ACOXL: variants seen among roughly 807,000 people sequenced by gnomAD.
ACOXL encodes the protein acyl-coenzyme A oxidase-like protein.
A neutral mutation model predicts 71.9 loss-of-function variants in ACOXL; 70 were observed. The observed-to-expected ratio is 0.97, with a 90% confidence interval of 0.80 to 1.19. The LOEUF is 1.19. Ranked by LOEUF, ACOXL falls within the 50% of genes most tolerant of loss-of-function variation. The probability of loss-of-function intolerance (pLI) is 0.00; values close to 1 mark genes in which losing one functional copy is unlikely to be tolerated. For synonymous variants in ACOXL, 253 were observed against 281.6 expected (o/e 0.90, Z 1.02); for missense variants, 703 against 736.3 (o/e 0.95, Z 0.52).
chr2:110,794,250 T>G, intron 5 of ACOXL, 76 bp downstream of exon 5: 1 of 1,402,012 alleles, frequency 7.1e-7, no homozygotes, highest in South Asian at 1.2e-5. Context: ...TCTTTCTGTG[T>G]CCAGCTTCAC....
intron 11 of ACOXL, among the ~76,000 whole-genome samples, chr2:110,912,904 A>G (rs891111963): frequency 6.6e-6 from 1 of 152,190 alleles, no homozygotes; most frequent in African/African-American, 2.4e-5. Flanking sequence ...AATTCTTTCA[A>G]TTCAACAATA....
At chr2:110,834,523 G>C (rs533972427) in intron 9 of ACOXL, among the ~76,000 whole-genome samples, 2 of 152,328 alleles carry the variant, frequency 1.3e-5, no homozygotes, top group South Asian at 4.1e-4. Flanking sequence ...CGGAGTCTTG[G>C]TTAGCAGCCC....
chr2:111,049,208 T>A lies in ACOXL; in HGVS notation c.1370-10T>A. On this transcript the variant is annotated splice_polypyrimidine_tract_variant and intron_variant, in intron 15 of 17. Coordinates refer to ENST00000439055, the MANE Select transcript of ACOXL (RefSeq NM_001142807.4). ...GAAGTCATTCACAATTTCCATTTCT[T>A]CCCTTCCAGTTACCTTAGAGCAGTT... 1 of 1,603,520 alleles carries A rather than the reference T, an allele frequency of 6.2e-7. No homozygotes were observed. Among genetic ancestry groups the A allele is most frequent in the Non-Finnish European group, 8.5e-7 (1 of 1,170,462 alleles).
intron 11 of ACOXL, among the ~76,000 whole-genome samples, chr2:110,926,679 C>T (rs764681486): frequency 5.9e-5 from 9 of 152,070 alleles, no homozygotes; most frequent in Non-Finnish European, 1.2e-4. Context: ...TTGCTATTGC[C>T]ATCCCCTCCA....
intron 9 of ACOXL, among the ~76,000 whole-genome samples, chr2:110,812,183 C>T (rs1188827402): frequency 1.3e-5 from 2 of 152,174 alleles, no homozygotes; most frequent in Non-Finnish European, 1.5e-5. Flanking sequence ...TATAATTTGA[C>T]TCATAAACCT....
At chr2:111,091,162 C>T (rs886194061) in intron 16 of ACOXL, among the ~76,000 whole-genome samples, 1 of 152,112 alleles carries the variant, frequency 6.6e-6, no homozygotes, top group Non-Finnish European at 1.5e-5. Context: ...TTCCAGGATC[C>T]AGCAGCCACT....
At position 111,117,706 on chromosome 2, in the gene ACOXL, G is replaced by T; in HGVS notation, c.1633G>T (p.Ala545Ser). 1 of 1,551,742 alleles carries T rather than the reference G, an allele frequency of 6.4e-7. No homozygotes were observed. Among genetic ancestry groups the T allele is most frequent in the Non-Finnish European group, 8.7e-7 (1 of 1,147,004 alleles). Residue 545 changes from alanine to serine, a missense_variant, in exon 18 of 18, where the codon GCC becomes TCC. Physicochemically the swap from Ala to Ser is moderately conservative, Grantham distance 99. Transcript: ENST00000439055. ...IPHTYLHAPIAGISNPRAAWA... is the reference protein window; with the variant it reads ...IPHTYLHAPISGISNPRAAWA... ...ACACACCTACCTCCACGCACCAATCGCCGGAATCTCCAACCCGCGGGCCGC... is the reference window on the plus strand; with the variant it reads ...ACACACCTACCTCCACGCACCAATCTCCGGAATCTCCAACCCGCGGGCCGC...
At chr2:110,746,900 T>C (rs1429084460) in intron 1 of ACOXL, among the ~76,000 whole-genome samples, 1 of 151,970 alleles carries the variant, frequency 6.6e-6, no homozygotes, top group East Asian at 1.9e-4. Context: ...TAGCTCACTT[T>C]ATCTGTTCTT....
At chr2:110,892,829 A>C (rs1351598197) in intron 10 of ACOXL, among the ~76,000 whole-genome samples, 2 of 152,208 alleles carry the variant, frequency 1.3e-5, no homozygotes, top group Non-Finnish European at 2.9e-5. Context: ...GGAAGGAGGA[A>C]GATCAAGGGA....
chr2:110,843,093 C>G (rs936895296), intron 10 of ACOXL, among the ~76,000 whole-genome samples: 2 of 152,220 alleles, frequency 1.3e-5, no homozygotes, highest in Admixed American at 1.3e-4. Flanking sequence ...TATGGAAGTG[C>G]TCTCTCCAGA....
rs35965746 is a variant in ACOXL, at chr2:111,011,881, T to TAA, written c.1281+15900_1281+15901dup. On this transcript the variant is annotated intron_variant, in intron 14 of 17. Transcript: ENST00000439055. Reference sequence around the variant, plus strand: ...CCTGGGCAGCAGAGTGAGACTCTGTTAAAAAAAAAAAAAAAAAAAAAAAAG... The same window carrying TAA: ...CCTGGGCAGCAGAGTGAGACTCTGTTAAAAAAAAAAAAAAAAAAAAAAAAAAG... Among the ~76,000 whole-genome samples, 596 of 112,526 alleles carry TAA rather than the reference T, an allele frequency of 5.3e-3. 4 individuals carry two copies. The highest frequency in any genetic ancestry group is 0.017 in the African/African-American group (502 of 29,514). 73.8% of individuals were successfully genotyped at this position (112,526 alleles called of 152,430 possible).
intron 16 of ACOXL, among the ~76,000 whole-genome samples, chr2:111,056,644 C>T (rs897495256): frequency 4.0e-5 from 6 of 151,862 alleles, no homozygotes; most frequent in South Asian, 4.2e-4. Flanking sequence ...AAAAATTAGC[C>T]GGGTGTGGTG....
chr2:111,070,442 T>C (rs1163408163), intron 16 of ACOXL, among the ~76,000 whole-genome samples: 2 of 152,130 alleles, frequency 1.3e-5, no homozygotes, highest in African/African-American at 4.8e-5. Flanking sequence ...CTCTCACTTA[T>C]AAGTAGGAAC....
intron 16 of ACOXL, among the ~76,000 whole-genome samples, chr2:111,056,803 A>AAG: frequency 6.6e-6 from 1 of 151,784 alleles, no homozygotes; most frequent in East Asian, 1.9e-4. Flanking sequence ...AAAAAAAAAA[A>AAG]AAAAATTTCA....
intron 3 of ACOXL, among the ~76,000 whole-genome samples, chr2:110,786,087 A>G (rs1232464572): frequency 6.6e-6 from 1 of 152,206 alleles, no homozygotes; most frequent in Non-Finnish European, 1.5e-5. Flanking sequence ...GTGCTGCCCA[A>G]GCCTTCCAGC....
chr2:111,019,530 C>T (rs888371789), intron 14 of ACOXL, among the ~76,000 whole-genome samples: 3 of 152,214 alleles, frequency 2.0e-5, no homozygotes, highest in Non-Finnish European at 2.9e-5. Flanking sequence ...TTTGCCAAGG[C>T]CCTGTTGATT....
intron 10 of ACOXL, among the ~76,000 whole-genome samples, chr2:110,864,021 C>T (rs1694259810): frequency 6.6e-6 from 1 of 152,124 alleles, no homozygotes; most frequent in African/African-American, 2.4e-5. Context: ...CAAGCTAAAG[C>T]CACTCAGATC....
chr2:110,829,316 G>A (rs1036751763), intron 9 of ACOXL, among the ~76,000 whole-genome samples: 3 of 152,118 alleles, frequency 2.0e-5, no homozygotes, highest in African/African-American at 4.8e-5. Flanking sequence ...TGGTGAGTTC[G>A]TTGGGTCCAG....
chr2:110,876,587 C>A (rs933337924), intron 10 of ACOXL, among the ~76,000 whole-genome samples: 4 of 152,200 alleles, frequency 2.6e-5, no homozygotes, highest in Non-Finnish European at 1.5e-5. Context: ...TGGCTCGTGG[C>A]TGACAAGTGC....
Sources: allele counts gnomAD v4.1 joint callset (sites outside exome capture counted in the v4.1 genomes callset), GRCh38; gene constraint gnomAD v4.1.1; transcripts MANE v1.5; gene names NCBI Gene and HGNC (gene_info 2026-07-23, HGNC 2026-07-21).